LRRC37A2: variants seen among roughly 807,000 people sequenced by gnomAD.
LRRC37A2 encodes the protein leucine-rich repeat-containing protein 37A2.
In LRRC37A2, 9 loss-of-function variants were observed where a neutral mutation model predicts 68.8. That is an observed-to-expected ratio of 0.13 (90% CI 0.08 to 0.23). LRRC37A2 has a LOEUF of 0.23. Among genes scored for constraint, LRRC37A2 ranks in the 10% least tolerant of loss-of-function variants. The pLI, the probability that LRRC37A2 is intolerant of heterozygous loss-of-function variation, is 1.00. For synonymous variants in LRRC37A2, 63 were observed against 367.6 expected (o/e 0.17, Z 9.48); for missense variants, 168 against 950.4 (o/e 0.18, Z 10.82).
At chr17:46,926,883 A>G in the LRRC37A2 span, among the ~76,000 whole-genome samples, 1 of 152,196 alleles carries the variant, frequency 6.6e-6, no homozygotes, top group Non-Finnish European at 1.5e-5. Context: ...TGCCATGTAC[A>G]TCTCCTCAGG....
the LRRC37A2 span, among the ~76,000 whole-genome samples, chr17:46,956,130 C>T: frequency 6.6e-6 from 1 of 152,046 alleles, no homozygotes; most frequent in Non-Finnish European, 1.5e-5. Flanking sequence ...TCTTAACCTT[C>T]AGGGAAAAAC....
chr17:46,528,747 A>T (rs1315473688), intron 6 of LRRC37A2: 7 of 670,076 alleles, frequency 1.0e-5, no homozygotes, highest in Non-Finnish European at 1.9e-5. Context: ...AAAAAGGAAA[A>T]AGGCTCACCA....
chr17:47,030,740 T>C, the LRRC37A2 span, among the ~76,000 whole-genome samples: 1 of 151,912 alleles, frequency 6.6e-6, no homozygotes, highest in African/African-American at 2.4e-5. Context: ...ATATGTGACA[T>C]ATAGGCCCAC....
chr17:46,935,960 G>A, the LRRC37A2 span: 238 of 985,822 alleles, frequency 2.4e-4, 3 homozygotes, highest in South Asian at 8.1e-3. Context: ...ACAGTCACTC[G>A]GAAGTGTGAG....
At chr17:46,988,757 C>G in the LRRC37A2 span, among the ~76,000 whole-genome samples, 1 of 151,960 alleles carries the variant, frequency 6.6e-6, no homozygotes, top group South Asian at 2.1e-4. Context: ...ACTTAGGCAC[C>G]CTGGGGCTGG....
At chr17:46,821,401 C>T in the LRRC37A2 span, among the ~76,000 whole-genome samples, 532 of 152,326 alleles carry the variant, frequency 3.5e-3, 4 homozygotes, top group African/African-American at 0.012. Context: ...GCACCCCTTG[C>T]GCTGCCGCGG....
At chr17:46,914,148 G>A in the LRRC37A2 span, among the ~76,000 whole-genome samples, 7 of 152,240 alleles carry the variant, frequency 4.6e-5, no homozygotes, top group African/African-American at 1.7e-4. Flanking sequence ...TGGGCATCTC[G>A]ATGCACTCTC....
exon 10 of LRRC37A2, chr17:46,548,850 C>A (rs1391709192): frequency 6.2e-7 from 1 of 1,612,434 alleles, no homozygotes; most frequent in Admixed American, 1.7e-5. Context: ...AGCCTTCCTT[C>A]ACCCAAGAGC....
At chr17:46,469,505 T>C in the LRRC37A2 span, among the ~76,000 whole-genome samples, 1 of 22,820 alleles carries the variant, frequency 4.4e-5, no homozygotes, top group Non-Finnish European at 9.3e-5. Context: ...GCTTTTATAT[T>C]CCTCCAGCTT....
the LRRC37A2 span, among the ~76,000 whole-genome samples, chr17:46,657,360 A>C: frequency 6.6e-6 from 1 of 152,194 alleles, no homozygotes; most frequent in African/African-American, 2.4e-5. Context: ...AATATAAAAA[A>C]TATAATGGTT....
the LRRC37A2 span, among the ~76,000 whole-genome samples, chr17:46,743,549 T>G: frequency 6.6e-6 from 1 of 152,248 alleles, no homozygotes; most frequent in Non-Finnish European, 1.5e-5. Context: ...TGATGGGGCC[T>G]CTACTTCTGT....
chr17:46,906,590 T>C, the LRRC37A2 span, among the ~76,000 whole-genome samples: 1 of 152,070 alleles, frequency 6.6e-6, no homozygotes, highest in African/African-American at 2.4e-5. Context: ...GCCCAGCTAA[T>C]TTAATTTTAT....
At chr17:46,787,775 G>A in the LRRC37A2 span, among the ~76,000 whole-genome samples, 1 of 152,202 alleles carries the variant, frequency 6.6e-6, no homozygotes. Flanking sequence ...CCAACATGGC[G>A]AAACGCCTGT....
the LRRC37A2 span, among the ~76,000 whole-genome samples, chr17:46,785,568 G>A: frequency 6.6e-6 from 1 of 152,222 alleles, no homozygotes; most frequent in Admixed American, 6.5e-5. Context: ...TGCTGTGGAC[G>A]ACTTTAGCAA....
At chr17:46,875,820 T>C in the LRRC37A2 span, among the ~76,000 whole-genome samples, 2 of 152,062 alleles carry the variant, frequency 1.3e-5, no homozygotes, top group African/African-American at 2.4e-5. Context: ...GGTTACACAG[T>C]AGTGGGAGGT....
chr17:47,035,143 GCTT>G, the LRRC37A2 span: 1 of 152,200 alleles, frequency 6.6e-6, no homozygotes, highest in Non-Finnish European at 1.5e-5. Context: ...AGCACAACAT[GCTT>G]CTTTGTGTTA....
the LRRC37A2 span, among the ~76,000 whole-genome samples, chr17:46,793,612 G>T: frequency 7.0e-3 from 1,063 of 152,284 alleles, 15 homozygotes; most frequent in Non-Finnish European, 0.011. Context: ...ACAGGACAAA[G>T]AATTTCAGGG....
chr17:46,943,275 C>T, the LRRC37A2 span, among the ~76,000 whole-genome samples: 2 of 152,142 alleles, frequency 1.3e-5, no homozygotes, highest in Admixed American at 6.5e-5. Flanking sequence ...CCATTGGGTG[C>T]CCCTCATTAA....
the LRRC37A2 span, chr17:47,048,923 G>A: frequency 3.0e-6 from 1 of 334,612 alleles, no homozygotes; most frequent in East Asian, 7.0e-5. Context: ...ACTGAGCACT[G>A]GGCAATTGGA....
Sources: gnomAD v4.1 joint callset for allele counts (sites outside exome capture counted in the v4.1 genomes callset) on GRCh38, gnomAD v4.1.1 for gene constraint, MANE v1.5 for transcripts, NCBI Gene and HGNC (gene_info 2026-07-23, HGNC 2026-07-21) for gene names.